Variants in CCDC47 observed in about 807,000 individuals in gnomAD.
The protein encoded by CCDC47 is PAT complex subunit CCDC47.
Under a neutral mutation model 60.5 loss-of-function variants are expected in CCDC47, and 41 were observed. The observed-to-expected ratio is 0.68, with a 90% CI of 0.53 to 0.88. The LOEUF (loss-of-function observed/expected upper bound fraction) is 0.88, where lower values mean the gene tolerates loss of function less well. CCDC47 is among the 40% of genes least tolerant of loss of function. The probability of loss-of-function intolerance (pLI) is 0.00; values close to 1 mark genes in which losing one functional copy is unlikely to be tolerated. For synonymous variants in CCDC47, 195 were observed against 190.7 expected (o/e 1.02, Z -0.18); for missense variants, 513 against 580.9 (o/e 0.88, Z 1.20).
intron 5 of CCDC47, 30 bp from the exon 6 acceptor site, chr17:63,761,009 C>G: frequency 1.3e-6 from 2 of 1,552,216 alleles, no homozygotes; most frequent in Non-Finnish European, 1.8e-6. Flanking sequence ...TAAGTAAATC[C>G]AACTGCAACT....
intron 9 of CCDC47, 66 bp from the exon 10 acceptor site, chr17:63,752,865 C>T (rs1351441906): frequency 1.3e-6 from 2 of 1,574,390 alleles, no homozygotes; most frequent in African/African-American, 1.4e-5. Flanking sequence ...ACACAAGTCA[C>T]CCAATACACT....
intron 5 of CCDC47, 53 bp from the exon 6 acceptor site, chr17:63,761,032 A>T (rs772357838): frequency 1.1e-4 from 151 of 1,412,290 alleles, no homozygotes; most frequent in South Asian, 4.7e-4. Context: ...TACTTAGTAT[A>T]AAAAAAAGGC....
At chr17:63,767,324 T>C (rs192414034) in intron 1 of CCDC47, among the ~76,000 whole-genome samples, 1 of 152,344 alleles carries the variant, frequency 6.6e-6, no homozygotes, top group East Asian at 1.9e-4. Context: ...TTATAGCTTT[T>C]TGAAGAACAT....
At position 63,765,978 on chromosome 17, in the gene CCDC47, C is replaced by G. The variant is rs1332290678; in HGVS notation, c.198G>C (p.Glu66Asp). The change falls in exon 2 of 13, where the codon GAG becomes GAC. Residue 66 changes from glutamate (E) to aspartate (D), a missense_variant. Transcript: ENST00000225726. ...CCTGCCCTTCCAACTCCACAGTGGT[C>G]TCATCTTCATCATCTTCAGTGATTA... is the stretch of plus-strand genomic sequence containing the variant. ...RVIITEDDEDETTVELEGQDE... is the reference protein window; with the variant it reads ...RVIITEDDEDDTTVELEGQDE... 1.2e-6 allele frequency: 2 copies of G among 1,614,070 alleles called. No homozygotes were observed. The highest frequency in any genetic ancestry group is 3.3e-5 in the Admixed American group (2 of 60,012).
intron 1 of CCDC47, among the ~76,000 whole-genome samples, chr17:63,773,168 AC>A (rs887515762): frequency 3.3e-5 from 5 of 152,002 alleles, no homozygotes; most frequent in Non-Finnish European, 7.4e-5. Context: ...CTTCTATTAA[AC>A]CCCTTTGCCT....
chr17:63,748,799 AG>A (rs1430509315), intron 12 of CCDC47, among the ~76,000 whole-genome samples: 2 of 151,896 alleles, frequency 1.3e-5, no homozygotes, highest in Non-Finnish European at 2.9e-5. Context: ...ATTACTTGAG[AG>A]ATCAGGAGTT....
At chr17:63,766,637 T>A (rs2039299976) in intron 1 of CCDC47, 1 of 166,210 alleles carries the variant, frequency 6.0e-6, no homozygotes, top group Non-Finnish European at 1.2e-5. Context: ...TTGGCCAGGC[T>A]AGTTGTGAAC....
At chr17:63,758,570 T>C (rs2039225460) in intron 6 of CCDC47, among the ~76,000 whole-genome samples, 1 of 152,072 alleles carries the variant, frequency 6.6e-6, no homozygotes, top group African/African-American at 2.4e-5. Context: ...TTGAATTCAA[T>C]TGTGGGATAC....
intron 2 of CCDC47, among the ~76,000 whole-genome samples, chr17:63,765,402 T>A (rs1264397752): frequency 1.3e-5 from 2 of 151,912 alleles, no homozygotes; most frequent in African/African-American, 4.8e-5. Context: ...GTGCAGTGGC[T>A]CAATCTCAGC....
chr17:63,759,559 A>AG (rs2039239579), intron 6 of CCDC47, among the ~76,000 whole-genome samples: 1 of 88,338 alleles, frequency 1.1e-5, no homozygotes, highest in Admixed American at 1.4e-4. Context: ...ATATATATAT[A>AG]TATATATATA....
chr17:63,762,238 A>C (rs2039266612), intron 4 of CCDC47: 1 of 985,302 alleles, frequency 1.0e-6, no homozygotes, highest in Non-Finnish European at 1.2e-6. Flanking sequence ...AAACGGACTG[A>C]TACACCAAAT....
chr17:63,761,068 CA>C (rs1310650248), intron 5 of CCDC47, 89 bp from the exon 6 acceptor site: 20 of 1,375,400 alleles, frequency 1.5e-5, no homozygotes, highest in Non-Finnish European at 2.1e-5. Context: ...AATGCTTCAT[CA>C]AATATACTTT....
chr17:63,770,477 A>G (rs1306771105), intron 1 of CCDC47, among the ~76,000 whole-genome samples: 1 of 152,188 alleles, frequency 6.6e-6, no homozygotes, highest in East Asian at 1.9e-4. Context: ...TGGCAACTGC[A>G]GGGAAGTGAT....
At chr17:63,752,473 TA>T in intron 10 of CCDC47, 44 bp from the exon 11 acceptor site, 1 of 1,308,420 alleles carries the variant, frequency 7.6e-7, no homozygotes, top group Non-Finnish European at 1.1e-6. Context: ...ATGGTAGCAT[TA>T]ATATTTCCAG....
chr17:63,771,415 C>T (rs2039340898), intron 1 of CCDC47, among the ~76,000 whole-genome samples: 1 of 152,088 alleles, frequency 6.6e-6, no homozygotes, highest in African/African-American at 2.4e-5. Context: ...ACCAATCCCC[C>T]ATACATATCA....
intron 1 of CCDC47, among the ~76,000 whole-genome samples, chr17:63,768,329 G>A (rs2039311527): frequency 6.6e-6 from 1 of 152,082 alleles, no homozygotes; most frequent in Non-Finnish European, 1.5e-5. Context: ...ATTTATGATG[G>A]TGAAATTTGG....
In CCDC47 at chr17:63,756,369, G is replaced by T. The variant is rs1281297518; in HGVS notation, c.838-19C>A. On this transcript the variant is annotated intron_variant, in intron 7 of 12. Transcript: ENST00000225726. ...ACTCACTCTAGAGGAAGAAGTAATT[G>T]AAAGTAAGATATGACCTTTTATTAT... The T allele has an allele frequency of 1.2e-6, 2 of 1,601,080 alleles. No homozygotes were observed. The highest frequency in any genetic ancestry group is 1.7e-5 in the Admixed American group (1 of 59,990).
chr17:63,762,352 G>C lies in CCDC47; in HGVS notation c.548-1001C>G, dbSNP rs141958159. ...TGAAATACTATGGTATAGTGGAGAC[G>C]GGGTGGACTTTGCAAACAGGTAGAT... On this transcript the variant is annotated intron_variant, in intron 4 of 12. Coordinates refer to ENST00000225726, the MANE Select transcript of CCDC47 (RefSeq NM_020198.3). 2.4e-4 allele frequency: 138 copies of C among 564,840 alleles called. 1 individual carries two copies. In the East Asian group the frequency reaches 0.019, roughly 77 times the overall value. 35.0% of individuals were successfully genotyped at this position (564,840 alleles called of 1,614,324 possible). A position where few individuals can be genotyped will look rare whatever the true frequency, so the allele number is the denominator to read the frequency against.
chr17:63,756,186 G>A, intron 8 of CCDC47, 54 bp downstream of exon 8: 4 of 1,145,146 alleles, frequency 3.5e-6, no homozygotes, highest in Non-Finnish European at 5.3e-6. Context: ...CTTTTAGGGA[G>A]AGTGTCCTGT....
Sources: allele counts gnomAD v4.1 joint callset (sites outside exome capture counted in the v4.1 genomes callset), GRCh38; gene constraint gnomAD v4.1.1; transcripts MANE v1.5; gene names NCBI Gene and HGNC (gene_info 2026-07-23, HGNC 2026-07-21).